OSBPL1A: variants seen among roughly 807,000 people sequenced by gnomAD.
The protein encoded by OSBPL1A is oxysterol binding protein like 1A.
A neutral mutation model predicts 137.1 loss-of-function variants in OSBPL1A; 80 were observed. The observed-to-expected ratio is 0.58, with a 90% CI of 0.49 to 0.70. OSBPL1A has a LOEUF of 0.70. Ranked by LOEUF, OSBPL1A falls within the 30% of genes least tolerant of loss-of-function variation. OSBPL1A has a pLI of 0.00. For synonymous variants in OSBPL1A, 365 were observed against 389.7 expected (o/e 0.94, Z 0.75); for missense variants, 970 against 1,129.4 (o/e 0.86, Z 2.02).
At chr18:24,323,591 C>T in intron 7 of OSBPL1A, among the ~76,000 whole-genome samples, 1 of 30,040 alleles carries the variant, frequency 3.3e-5, no homozygotes, top group Non-Finnish European at 5.9e-5. Flanking sequence ...GGTACATGTG[C>T]ACATTGTGCA....
chr18:24,306,069 C>T (rs1421698916), intron 13 of OSBPL1A, among the ~76,000 whole-genome samples: 1 of 152,164 alleles, frequency 6.6e-6, no homozygotes, highest in Admixed American at 6.5e-5. Context: ...ATTTATTCTA[C>T]ATAAATGGAA....
chr18:24,212,392 G>A (rs1300274260), intron 17 of OSBPL1A, among the ~76,000 whole-genome samples: 1 of 152,074 alleles, frequency 6.6e-6, no homozygotes, highest in Admixed American at 6.6e-5. Context: ...CTTCCACTAA[G>A]TGGGCTTAAA....
chr18:24,360,821 G>C (rs1790172165), intron 4 of OSBPL1A, among the ~76,000 whole-genome samples: 2 of 152,106 alleles, frequency 1.3e-5, no homozygotes, highest in Admixed American at 1.3e-4. Context: ...TATGTGAGTG[G>C]CCCTGTGACA....
At position 24,235,176 on chromosome 18, in the gene OSBPL1A, C is replaced by T. The variant is rs142028732; in HGVS notation, c.1444+4044G>A. Among the ~76,000 whole-genome samples the T allele has an allele frequency of 2.6e-3, 400 of 152,184 alleles. 8 individuals are homozygous for T. The highest frequency in any genetic ancestry group is 8.1e-3 in the African/African-American group (336 of 41,536). On this transcript the variant is annotated intron_variant, in intron 16 of 27. Coordinates refer to ENST00000319481, the MANE Select transcript of OSBPL1A (RefSeq NM_080597.4). Reference sequence around the variant, plus strand: ...AAAGGATCACCATGGATGGTGTGTACGGGATGAACGTCAGCAGGCCAAGGC... The same window carrying T: ...AAAGGATCACCATGGATGGTGTGTATGGGATGAACGTCAGCAGGCCAAGGC...
chr18:24,243,434 C>T (rs1437074904), intron 15 of OSBPL1A, among the ~76,000 whole-genome samples: 2 of 152,154 alleles, frequency 1.3e-5, no homozygotes, highest in Admixed American at 6.6e-5. Context: ...GCTGTTGACA[C>T]CATATCTTTA....
chr18:24,360,998 A>G (rs1467499323), intron 4 of OSBPL1A, among the ~76,000 whole-genome samples: 2 of 152,166 alleles, frequency 1.3e-5, no homozygotes, highest in Non-Finnish European at 2.9e-5. Context: ...GTTTAATATC[A>G]GAAGTGTTTG....
chr18:24,360,153 T>C (rs2091600474), intron 4 of OSBPL1A, among the ~76,000 whole-genome samples: 1 of 152,164 alleles, frequency 6.6e-6, no homozygotes, highest in Non-Finnish European at 1.5e-5. Context: ...GTATTTTTAG[T>C]AGAGACAGGG....
chr18:24,204,897 T>G (rs866862552), intron 17 of OSBPL1A, among the ~76,000 whole-genome samples: 1 of 152,312 alleles, frequency 6.6e-6, no homozygotes, highest in Non-Finnish European at 1.5e-5. Context: ...GATCATTGAT[T>G]TGTATGTTTC....
chr18:24,211,805 A>AAT (rs2087553700), intron 17 of OSBPL1A, among the ~76,000 whole-genome samples: 1 of 152,068 alleles, frequency 6.6e-6, no homozygotes, highest in African/African-American at 2.4e-5. Context: ...CTCTACTAAA[A>AAT]TACACAAATT....
At chr18:24,230,110 G>A (rs1012575428) in intron 16 of OSBPL1A, among the ~76,000 whole-genome samples, 1 of 152,166 alleles carries the variant, frequency 6.6e-6, no homozygotes, top group Admixed American at 6.5e-5. Context: ...ACATCAAAAT[G>A]TTAGTGGGTA....
chr18:24,281,549 G>A (rs2089958285), intron 14 of OSBPL1A, among the ~76,000 whole-genome samples: 1 of 150,906 alleles, frequency 6.6e-6, no homozygotes, highest in African/African-American at 2.4e-5. Flanking sequence ...TATCATGCCT[G>A]GCTAATTTTT....
intron 7 of OSBPL1A, among the ~76,000 whole-genome samples, chr18:24,329,881 A>G (rs1487667366): frequency 4.6e-5 from 7 of 152,162 alleles, no homozygotes; most frequent in African/African-American, 1.4e-4. Flanking sequence ...TATTCTACAT[A>G]AGGCACTTGA....
intron 16 of OSBPL1A, among the ~76,000 whole-genome samples, chr18:24,228,895 T>C (rs964867113): frequency 1.3e-5 from 2 of 151,932 alleles, no homozygotes; most frequent in Non-Finnish European, 2.9e-5. Flanking sequence ...GCTGACTACA[T>C]AGGATAAATA....
chr18:24,165,122 T>A lies in OSBPL1A; in HGVS notation c.2693A>T (p.Glu898Val), dbSNP rs2086115934. ...GTTTTTGCGGGCTGCTCTTTGTTTT[T>A]CCTCAAGTCGTTTTTTTTCTTCACT... ...QASEEKKRLE[E>V]KQRAARKNRS... is the part of the protein sequence containing the mutation. Residue 898 changes from glutamate (E) to valine (V), a missense_variant, in exon 27 of 28, where the codon GAA becomes GTA. Around this residue, in one of 2 missense-constraint regions of OSBPL1A, gnomAD observed 323 missense variants for 456.8 expected, o/e 0.71. Coordinates refer to ENST00000319481, the MANE Select transcript of OSBPL1A (RefSeq NM_080597.4). 6.2e-7 allele frequency: 1 copy of A among 1,614,212 alleles called. No individual in the cohort carries two copies. Among genetic ancestry groups the A allele is most frequent in the Non-Finnish European group, 8.5e-7 (1 of 1,180,038 alleles).
intron 5 of OSBPL1A, among the ~76,000 whole-genome samples, chr18:24,337,939 T>C (rs567199274): frequency 7.9e-5 from 12 of 152,058 alleles, no homozygotes; most frequent in African/African-American, 2.9e-4. Context: ...TAAAAGTAAA[T>C]AAATAACATA....
In OSBPL1A at chr18:24,317,358, C is replaced by G; in HGVS notation, c.775G>C (p.Glu259Gln). ...FGWRLFWVVL[E>Q]HGVLSWYRKQ... is the part of the protein sequence containing the mutation. Reference sequence around the variant, plus strand: ...CTATACCATGAAAGGACTCCATGCTCTAACACTACCCAGAATAATCTCCAG... The same window carrying G: ...CTATACCATGAAAGGACTCCATGCTGTAACACTACCCAGAATAATCTCCAG... The change falls in exon 10 of 28, where the codon GAG becomes CAG. Residue 259 changes from glutamate to glutamine, a missense_variant. By Grantham distance (29) the Glu-to-Gln change is conservative. Coordinates refer to ENST00000319481, the MANE Select transcript of OSBPL1A (RefSeq NM_080597.4). 1 of 1,613,806 alleles carries G rather than the reference C, an allele frequency of 6.2e-7. No individual in the cohort carries two copies. The highest frequency in any genetic ancestry group is 1.1e-5 in the South Asian group (1 of 91,066).
chr18:24,246,997 C>A (rs922095627), intron 15 of OSBPL1A, among the ~76,000 whole-genome samples: 10 of 152,048 alleles, frequency 6.6e-5, no homozygotes, highest in Admixed American at 5.2e-4. Context: ...TGGGCAACTA[C>A]AAGGACTGTG....
intron 2 of OSBPL1A, among the ~76,000 whole-genome samples, chr18:24,375,031 A>G (rs1905982501): frequency 6.6e-6 from 1 of 152,162 alleles, no homozygotes; most frequent in Non-Finnish European, 1.5e-5. Flanking sequence ...TAAAAAAAGT[A>G]TGGCTAGATG....
intron 13 of OSBPL1A, among the ~76,000 whole-genome samples, chr18:24,310,352 G>A (rs2090593906): frequency 6.6e-6 from 1 of 150,632 alleles, no homozygotes. Context: ...ACTTTGCGGG[G>A]ACGAGGCGGG....
Sources: allele counts gnomAD v4.1 joint callset (sites outside exome capture counted in the v4.1 genomes callset), GRCh38; gene constraint gnomAD v4.1.1; regional missense constraint gnomAD v4.1.1; transcripts MANE v1.5; gene names NCBI Gene and HGNC (gene_info 2026-07-23, HGNC 2026-07-21).